The following WNT2 variants were observed in gnomAD, a reference collection of about 807,000 sequenced individuals.
The protein encoded by WNT2 is protein Wnt-2.
WNT2 carries 12 observed loss-of-function variants against 36.9 expected under a neutral mutation model. That is an observed-to-expected ratio of 0.33 (90% CI 0.21 to 0.53). The LOEUF is 0.53. Ranked by LOEUF, WNT2 falls within the 20% of genes least tolerant of loss-of-function variation. WNT2 has a pLI of 0.95. For synonymous variants in WNT2, 163 were observed against 174.6 expected, an observed-to-expected ratio of 0.93 and a Z score of 0.52; for missense variants, 379 against 473.1, an observed-to-expected ratio of 0.80 and a Z score of 1.84.
chr7:117,292,958 T>C (rs113070162), intron 4 of WNT2, among the ~76,000 whole-genome samples: 4 of 152,168 alleles, frequency 2.6e-5, no homozygotes, highest in Non-Finnish European at 4.4e-5. Context: ...TTTTCAAACT[T>C]TGAGGTGTTT....
intron 4 of WNT2, 106 bp downstream of exon 4, chr7:117,297,506 C>T (rs548872833): frequency 2.2e-6 from 3 of 1,383,780 alleles, no homozygotes; most frequent in African/African-American, 1.4e-5. Context: ...GGATCGTGAG[C>T]TTTGAACCTA....
At chr7:117,300,920 A>C (rs1189178664) in intron 3 of WNT2, 3 of 152,256 alleles carry the variant, frequency 2.0e-5, no homozygotes, top group African/African-American at 7.2e-5. Flanking sequence ...GACAGGCAGC[A>C]AGCTGCAGGC....
chr7:117,309,031 A>G (rs1386305929), intron 3 of WNT2, among the ~76,000 whole-genome samples: 2 of 151,738 alleles, frequency 1.3e-5, no homozygotes, highest in South Asian at 4.2e-4. Flanking sequence ...GAAACATAAA[A>G]AAAAAAAAAA....
At chr7:117,321,881 C>G (rs1795337272) in intron 1 of WNT2, among the ~76,000 whole-genome samples, 1 of 152,194 alleles carries the variant, frequency 6.6e-6, no homozygotes, top group African/African-American at 2.4e-5. Flanking sequence ...AGGAATTGAA[C>G]CCCTCTTCCC....
At chr7:117,309,650 C>T (rs1439001962) in intron 3 of WNT2, among the ~76,000 whole-genome samples, 1 of 152,132 alleles carries the variant, frequency 6.6e-6, no homozygotes, top group African/African-American at 2.4e-5. Flanking sequence ...TATATGGCAA[C>T]CCTAGTTTGG....
rs368302028 is a variant in WNT2 at position 117,297,904 on chromosome 7, G to T, written c.589-28C>A. The T allele has an allele frequency of 1.5e-4, 235 of 1,591,584 alleles. No individual in the cohort carries two copies. In the African/African-American group the frequency reaches 2.9e-3, roughly 19 times the overall value. On this transcript the variant is annotated intron_variant, in intron 3 of 4. Coordinates refer to ENST00000265441, the MANE Select transcript of WNT2 (RefSeq NM_003391.3). ...GCCGAAAAAGACAGGGGCAAGTTCA[G>T]TGAGGTTCGAGCAGGTGACACATGC...
intron 3 of WNT2, among the ~76,000 whole-genome samples, chr7:117,309,881 C>T (rs1471489007): frequency 1.3e-5 from 2 of 152,060 alleles, no homozygotes; most frequent in African/African-American, 2.4e-5. Flanking sequence ...TATATCAGTA[C>T]TTATATGTAT....
chr7:117,284,560 A>C lies in WNT2; in HGVS notation c.854-6176T>G, dbSNP rs1386623219. On this transcript the variant is annotated intron_variant, in intron 4 of 4. Coordinates refer to ENST00000265441, the MANE Select transcript of WNT2 (RefSeq NM_003391.3). This position sits in a 1 kb window ranked among gnomAD's most constrained non-coding sequence, Gnocchi z 5.2. ...AACCCAGCTACATCTATCAGCCTTA[A>C]TCCCATAAGGGTGAGTTTTCACATT... Among the ~76,000 whole-genome samples the C allele has an allele frequency of 6.6e-6, 1 of 152,208 alleles. No individual in the cohort carries two copies. Among genetic ancestry groups the C allele is most frequent in the East Asian group, 1.9e-4 (1 of 5,194 alleles).
chr7:117,282,022 T>A (rs1221195034), intron 4 of WNT2, among the ~76,000 whole-genome samples: 1 of 152,170 alleles, frequency 6.6e-6, no homozygotes, highest in African/African-American at 2.4e-5. Flanking sequence ...TAAGATTATT[T>A]TAGGCCATTA....
chr7:117,293,380 C>T (rs1411032383), intron 4 of WNT2, among the ~76,000 whole-genome samples: 4 of 152,116 alleles, frequency 2.6e-5, no homozygotes. Flanking sequence ...TCAACCTGCT[C>T]ACCACCATCG....
intron 3 of WNT2, among the ~76,000 whole-genome samples, chr7:117,307,790 A>T (rs112477657): frequency 0.021 from 3,123 of 152,286 alleles, 40 homozygotes; most frequent in Non-Finnish European, 0.035. Flanking sequence ...TTTTCTTCCT[A>T]TCAGAAAGAA....
Position 117,297,728 on chromosome 7 carries a change from A to G in WNT2, c.737T>C (p.Met246Thr), listed in dbSNP as rs755421549. 6.2e-7 allele frequency: 1 copy of G among 1,614,154 alleles called. No individual in the cohort carries two copies. Among genetic ancestry groups the G allele is most frequent in the Non-Finnish European group, 8.5e-7 (1 of 1,180,022 alleles). Residue 246 changes from methionine (M) to threonine (T), a missense_variant, in exon 4 of 5, where the codon ATG becomes ACG. Physicochemically the swap from Met to Thr is moderately conservative, Grantham distance 81. Coordinates refer to ENST00000265441, the MANE Select transcript of WNT2 (RefSeq NM_003391.3). Reference sequence around the variant, plus strand: ...AGTGAAACCTGTGCCATCCTGGTTCATGACCACCTGGATGGCCCCATTGTA... The same window carrying G: ...AGTGAAACCTGTGCCATCCTGGTTCGTGACCACCTGGATGGCCCCATTGTA... ...RKYNGAIQVVMNQDGTGFTVA... is the reference protein window; with the variant it reads ...RKYNGAIQVVTNQDGTGFTVA...
intron 3 of WNT2, among the ~76,000 whole-genome samples, chr7:117,314,495 G>A (rs1795177706): frequency 6.6e-6 from 1 of 152,166 alleles, no homozygotes; most frequent in African/African-American, 2.4e-5. Context: ...TAGAGGAGAA[G>A]GGGCCAGAAT....
intron 3 of WNT2, among the ~76,000 whole-genome samples, chr7:117,298,127 A>G (rs1257737591): frequency 6.6e-6 from 1 of 152,212 alleles, no homozygotes; most frequent in African/African-American, 2.4e-5. Context: ...GGCTATCAGT[A>G]TAACAGAAAC....
intron 3 of WNT2, among the ~76,000 whole-genome samples, chr7:117,303,652 C>T (rs552101985): frequency 1.3e-5 from 2 of 152,210 alleles, no homozygotes; most frequent in Non-Finnish European, 2.9e-5. Flanking sequence ...AGTCGAGGAC[C>T]TCTGTTCTGT....
At chr7:117,296,923 G>C (rs142554784) in intron 4 of WNT2, among the ~76,000 whole-genome samples, 4 of 152,306 alleles carry the variant, frequency 2.6e-5, no homozygotes, top group African/African-American at 7.2e-5. Flanking sequence ...ATATTGAAAA[G>C]AGCAGGGAAG....
chr7:117,299,877 C>A (rs894325759), intron 3 of WNT2, among the ~76,000 whole-genome samples: 1 of 152,098 alleles, frequency 6.6e-6, no homozygotes, highest in Non-Finnish European at 1.5e-5. Flanking sequence ...GAAGAATTTG[C>A]ATATTAATTT....
At chr7:117,293,758 C>T (rs1024638228) in intron 4 of WNT2, among the ~76,000 whole-genome samples, 6 of 151,966 alleles carry the variant, frequency 3.9e-5, no homozygotes, top group African/African-American at 1.2e-4. Context: ...TTGGGGGCCT[C>T]GGTGGTGTGC....
chr7:117,313,165 C>G (rs1483305583), intron 3 of WNT2, among the ~76,000 whole-genome samples: 1 of 152,218 alleles, frequency 6.6e-6, no homozygotes, highest in African/African-American at 2.4e-5. Flanking sequence ...CACAGACCTT[C>G]TGCTAGTACA....
Sources: allele counts gnomAD v4.1 joint callset (sites outside exome capture counted in the v4.1 genomes callset), GRCh38; gene constraint gnomAD v4.1.1; non-coding constraint Gnocchi (gnomAD v3.1); transcripts MANE v1.5; gene names NCBI Gene and HGNC (gene_info 2026-07-23, HGNC 2026-07-21).